Variants in TPM4 observed in about 807,000 individuals in gnomAD.
The protein encoded by TPM4 is tropomyosin alpha-4 chain.
TPM4 carries 17 observed loss-of-function variants against 35.8 expected under a neutral mutation model. That is an observed-to-expected ratio of 0.47 (90% confidence interval 0.32 to 0.71). The LOEUF (loss-of-function observed/expected upper bound fraction) is 0.71. TPM4 is among the 30% of genes least tolerant of loss of function. The probability of loss-of-function intolerance (pLI) is 0.03; values close to 1 mark genes in which losing one functional copy is unlikely to be tolerated. For synonymous variants in TPM4, 120 were observed against 122.9 expected (o/e 0.98, Z 0.15); for missense variants, 240 against 320.9 (o/e 0.75, Z 1.93).
upstream of TPM4, among the ~76,000 whole-genome samples, chr19:16,073,526 T>C (rs1270297693): frequency 6.6e-6 from 1 of 151,982 alleles, no homozygotes; most frequent in Non-Finnish European, 1.5e-5. Context: ...TCGCAGAGCT[T>C]GGATTTGGAG....
upstream of TPM4, chr19:16,075,972 G>A (rs530953445): frequency 3.4e-4 from 525 of 1,536,248 alleles, 1 homozygote; most frequent in African/African-American, 6.9e-3. Context: ...GTGAATATTG[G>A]GGGGGACCGC....
chr19:16,099,748 TTC>T (rs1279966334), intron 7 of TPM4: 1 of 152,188 alleles, frequency 6.6e-6, no homozygotes, highest in African/African-American at 2.4e-5. Flanking sequence ...GCAAACTAAG[TTC>T]TCTCTCGTGC....
At chr19:16,098,641 CAA>C (rs1163840777) in intron 7 of TPM4, among the ~76,000 whole-genome samples, 1 of 151,608 alleles carries the variant, frequency 6.6e-6, no homozygotes, top group African/African-American at 2.4e-5. Context: ...GATTTGTAGT[CAA>C]GAGACCAGGG....
upstream of TPM4, among the ~76,000 whole-genome samples, chr19:16,072,259 C>G (rs1347077956): frequency 1.3e-5 from 2 of 152,202 alleles, no homozygotes; most frequent in Admixed American, 6.5e-5. Flanking sequence ...CAAGAAACTC[C>G]AAGCTGAGGG....
At position 16,089,072 on chromosome 19, in the gene TPM4, C is replaced by T; in HGVS notation, c.483C>T (p.Leu161=). The change falls in exon 5 of 8, where the codon CTC becomes CTT. Residue 161 remains leucine (L), a synonymous_variant. Transcript: ENST00000643579. ...ELKCGDLEEE[L]KNVTNNLKSL... Reference sequence around the variant, plus strand: ...AATGTGGTGACCTGGAAGAAGAACTCAAGAATGTTACTAACAATCTGAAAT... The same window carrying T: ...AATGTGGTGACCTGGAAGAAGAACTTAAGAATGTTACTAACAATCTGAAAT... 6.2e-7 allele frequency: 1 copy of T among 1,614,070 alleles called. No individual in the cohort carries two copies. The highest frequency in any genetic ancestry group is 8.5e-7 in the Non-Finnish European group (1 of 1,179,994).
chr19:16,076,351 CGACGTCAGGCCCTCCCCCAGCGGTGCT>C (rs2090404974), upstream of TPM4: 1 of 1,461,194 alleles, frequency 6.8e-7, no homozygotes, highest in African/African-American at 1.4e-5. Context: ...CCAGCGGTGC[CGACGTCAGGCCCTCCCCCAGCGGTGCT>C]GACGTCGGCG....
At chr19:16,088,004 G>C (rs1343003191) in intron 3 of TPM4, 23 bp from the exon 4 acceptor site, 4 of 1,601,456 alleles carry the variant, frequency 2.5e-6, no homozygotes, top group Non-Finnish European at 3.4e-6. Flanking sequence ...ATCGGGCTCA[G>C]CTGGGCCTTT....
At chr19:16,088,621 G>A in intron 4 of TPM4, 3 of 1,034,640 alleles carry the variant, frequency 2.9e-6, no homozygotes, top group Non-Finnish European at 2.3e-6. Flanking sequence ...GGAGTGCTGA[G>A]AGAGATCTGG....
intron 1 of TPM4, chr19:16,081,093 A>AT (rs1214782675): frequency 2.5e-6 from 1 of 398,404 alleles, no homozygotes; most frequent in African/African-American, 2.1e-5. Context: ...CATGGCCAAC[A>AT]TTTAACTGAG....
At chr19:16,080,293 G>A (rs1380987927) in intron 1 of TPM4, 4 of 208,196 alleles carry the variant, frequency 1.9e-5, no homozygotes, top group Non-Finnish European at 2.9e-5. Flanking sequence ...GGGCCCCTCG[G>A]TTTCTTCACC....
chr19:16,067,725 A>G lies in TPM4; in HGVS notation c.101A>G (p.Asp34Gly). ...GAGGCGGATAAGAAAGCCGCTGAGG[A>G]CAAGTGCAAGCAGGTGAGGTGCCCT... Residue 34 changes from aspartate to glycine, a missense_variant, in exon 2 of 3, where the codon GAC becomes GGC. Physicochemically the swap from Asp to Gly is moderately conservative, Grantham distance 94. Coordinates refer to the TPM4 transcript ENST00000589897. This position sits in a 1 kb window ranked among gnomAD's most constrained non-coding sequence, Gnocchi z 4.1. The G allele has an allele frequency of 6.2e-7, 1 of 1,612,816 alleles. No homozygotes were observed. The highest frequency in any genetic ancestry group is 8.5e-7 in the Non-Finnish European group (1 of 1,179,718).
At position 16,101,412 on chromosome 19, in the gene TPM4, A is replaced by G. The variant is rs928702028; in HGVS notation, c.*66A>G. ...TCCGTGGGTCTTTCTCTTCTCTTGT[A>G]AGAAGTTCCTTTTGTTATTGCCATC... is the stretch of plus-strand genomic sequence containing the variant. On this transcript the variant is annotated 3_prime_UTR_variant, in exon 8 of 8. Transcript: ENST00000643579. The G allele has an allele frequency of 1.1e-4, 142 of 1,258,520 alleles. No homozygotes were observed. The highest frequency in any genetic ancestry group is 1.5e-4 in the Non-Finnish European group (139 of 918,262). The allele number at this position is 1,258,520 out of a possible 1,614,324, so 78.0% of individuals were successfully genotyped here.
chr19:16,094,676 A>C (rs927359317), intron 7 of TPM4, among the ~76,000 whole-genome samples: 3 of 152,032 alleles, frequency 2.0e-5, no homozygotes, highest in African/African-American at 7.2e-5. Context: ...AAAAAAAAAA[A>C]CAGAAATACA....
At chr19:16,092,478 C>T (rs1328572615) in intron 5 of TPM4, among the ~76,000 whole-genome samples, 1 of 151,906 alleles carries the variant, frequency 6.6e-6, no homozygotes, top group Non-Finnish European at 1.5e-5. Flanking sequence ...ACATCCTCCA[C>T]ATTTCACACA....
intron 7 of TPM4, among the ~76,000 whole-genome samples, chr19:16,096,544 T>TC (rs1388161080): frequency 6.6e-6 from 1 of 152,174 alleles, no homozygotes; most frequent in African/African-American, 2.4e-5. Flanking sequence ...CATTTTGATC[T>TC]CCATTTCCTC....
chr19:16,077,004 G>C (rs2090417168), intron 1 of TPM4: 2 of 331,026 alleles, frequency 6.0e-6, no homozygotes, highest in Non-Finnish European at 9.8e-6. Context: ...AAGTGGAGCG[G>C]CGGGAGGGGG....
intron 5 of TPM4, among the ~76,000 whole-genome samples, chr19:16,090,619 T>C (rs1445851480): frequency 6.6e-6 from 1 of 152,146 alleles, no homozygotes; most frequent in Admixed American, 6.6e-5. Flanking sequence ...ATTTCTCATC[T>C]AGGTTAGGTA....
In TPM4 at chr19:16,087,998, G is replaced by T. The variant is rs376370608; in HGVS notation, c.385-29G>T. On this transcript the variant is annotated intron_variant, in intron 3 of 7. Transcript: ENST00000643579. Reference sequence around the variant, plus strand: ...GAGAGGACACGGCTGGTGGGGATCGGGCTCAGCTGGGCCTTTCTGTCTCTG... The same window carrying T: ...GAGAGGACACGGCTGGTGGGGATCGTGCTCAGCTGGGCCTTTCTGTCTCTG... 3.3e-4 allele frequency: 529 copies of T among 1,594,932 alleles called. 1 individual carries two copies. Among genetic ancestry groups the T allele is most frequent in the Non-Finnish European group, 4.4e-4 (517 of 1,172,362 alleles).
rs147678548 is a variant in TPM4 at position 16,083,966 on chromosome 19, G to A, written c.266+1920G>A. Among the ~76,000 whole-genome samples, 463 of 151,776 alleles carry A rather than the reference G, an allele frequency of 3.1e-3. 1 individual carries two copies. Among genetic ancestry groups the A allele is most frequent in the African/African-American group, 0.011 (441 of 41,358 alleles). ...TTTTGAGACAGAGTCTCGCTCTGTC[G>A]CCCAGGCTGGAGTGCACTGGCGTGA... On this transcript the variant is annotated intron_variant, in intron 2 of 7. Coordinates refer to ENST00000643579, the MANE Select transcript of TPM4 (RefSeq NM_003290.3).
Sources: allele counts gnomAD v4.1 joint callset (sites outside exome capture counted in the v4.1 genomes callset), GRCh38; gene constraint gnomAD v4.1.1; non-coding constraint Gnocchi (gnomAD v3.1); transcripts MANE v1.5; gene names NCBI Gene and HGNC (gene_info 2026-07-23, HGNC 2026-07-21).